HCN1: variants seen among roughly 807,000 people sequenced by gnomAD.
The protein encoded by HCN1 is hyperpolarization activated cyclic nucleotide gated potassium channel 1, also known as potassium/sodium hyperpolarization-activated cyclic nucleotide-gated channel 1.
Under a neutral mutation model 78.9 loss-of-function variants are expected in HCN1, and 13 were observed. The ratio of observed to expected loss-of-function variants is 0.16; its 90% CI spans 0.11 to 0.26. The LOEUF (loss-of-function observed/expected upper bound fraction) is 0.26, where lower values mean the gene tolerates loss of function less well. HCN1 is among the 10% of genes least tolerant of loss of function. The pLI, the probability that HCN1 is intolerant of heterozygous loss-of-function variation, is 1.00. For synonymous variants in HCN1, 552 were observed against 455.5 expected (o/e 1.21, Z -2.70); for missense variants, 810 against 1,154.3 (o/e 0.70, Z 4.32).
rs543957599 is a variant in HCN1 at position 45,623,378 on chromosome 5, C to T, written c.849+21807G>A. ...TTTAGACAAGTTCACTTTGTCTCTT[C>T]ATGTCTTAGCTTCCCCTCACATCAC... On this transcript the variant is annotated intron_variant, in intron 2 of 7. Coordinates refer to ENST00000303230, the MANE Select transcript of HCN1 (RefSeq NM_021072.4). Among the ~76,000 whole-genome samples the T allele has an allele frequency of 1.2e-3, 181 of 152,262 alleles. 1 individual carries two copies. The highest frequency in any genetic ancestry group is 4.1e-3 in the African/African-American group (172 of 41,556).
At chr5:45,586,634 G>C (rs1247452207) in intron 2 of HCN1, among the ~76,000 whole-genome samples, 1 of 152,064 alleles carries the variant, frequency 6.6e-6, no homozygotes, top group Non-Finnish European at 1.5e-5. Context: ...GAGCTGTAGA[G>C]TGCAGCTGTT....
rs1163402656 is a variant in HCN1, at chr5:45,257,673, T to A, written c.*4248A>T. ...GCAGGGTTGTTAAAAAGGAAAAAAA[T>A]TGAAATTGCTTAAGAAAGTCATTGC... is the stretch of plus-strand genomic sequence containing the variant. On this transcript the variant is annotated 3_prime_UTR_variant, in exon 8 of 8. Transcript: ENST00000303230. 6.6e-6 allele frequency: 1 copy of A among 152,138 alleles called. No homozygotes were observed. Among genetic ancestry groups the A allele is most frequent in the Non-Finnish European group, 1.5e-5 (1 of 68,016 alleles). The allele number at this position is 152,138 out of a possible 1,614,324, so 9.4% of individuals were successfully genotyped here.
chr5:45,590,140 A>T (rs1052844475), intron 2 of HCN1, among the ~76,000 whole-genome samples: 1 of 152,190 alleles, frequency 6.6e-6, no homozygotes, highest in African/African-American at 2.4e-5. Context: ...TTTCAGTTAT[A>T]TTCTAAATGA....
chr5:45,524,475 G>C (rs953801468), intron 2 of HCN1, among the ~76,000 whole-genome samples: 6 of 152,102 alleles, frequency 3.9e-5, no homozygotes, highest in Non-Finnish European at 8.8e-5. Flanking sequence ...TCATGATATT[G>C]ATTCTTCCTA....
At chr5:45,346,794 C>T (rs1228063161) in intron 5 of HCN1, among the ~76,000 whole-genome samples, 1 of 152,208 alleles carries the variant, frequency 6.6e-6, no homozygotes, top group African/African-American at 2.4e-5. Context: ...AACTGCAAGG[C>T]AGCAGCGAGG....
intron 5 of HCN1, among the ~76,000 whole-genome samples, chr5:45,344,550 A>T (rs912481668): frequency 6.6e-6 from 1 of 152,240 alleles, no homozygotes; most frequent in African/African-American, 2.4e-5. Context: ...ATGAGGGTAT[A>T]GGCATCAGGT....
In HCN1 at chr5:45,450,775, G is replaced by C. The variant is rs548617289; in HGVS notation, c.1011+11071C>G. Among the ~76,000 whole-genome samples, 6 of 152,218 alleles carry C rather than the reference G, an allele frequency of 3.9e-5. No individual in the cohort carries two copies. The South Asian group carries it at 1.0e-3, about 26-fold the overall frequency. ...AAGATCTTAATAAGAATGTAGCTCAGGAAAATAAATAGTGTTAGGATCTCA... is the reference window on the plus strand; with the variant it reads ...AAGATCTTAATAAGAATGTAGCTCACGAAAATAAATAGTGTTAGGATCTCA... On this transcript the variant is annotated intron_variant, in intron 3 of 7. Coordinates refer to ENST00000303230, the MANE Select transcript of HCN1 (RefSeq NM_021072.4).
intron 4 of HCN1, among the ~76,000 whole-genome samples, chr5:45,370,444 T>C (rs927946038): frequency 1.3e-5 from 2 of 152,072 alleles, no homozygotes; most frequent in African/African-American, 2.4e-5. Context: ...TTATAGGTCA[T>C]AGTAGAAAAC....
At chr5:45,352,650 A>G (rs918589754) in intron 5 of HCN1, among the ~76,000 whole-genome samples, 23 of 152,110 alleles carry the variant, frequency 1.5e-4, no homozygotes, top group African/African-American at 4.1e-4. Flanking sequence ...GATGCAAAGC[A>G]AAGAGGTGGT....
At chr5:45,564,439 T>G (rs1743667506) in intron 2 of HCN1, among the ~76,000 whole-genome samples, 2 of 152,088 alleles carry the variant, frequency 1.3e-5, no homozygotes, top group African/African-American at 4.8e-5. Flanking sequence ...GGTTTCACTG[T>G]GTTAACCAGG....
At chr5:45,562,093 A>G (rs1444626611) in intron 2 of HCN1, among the ~76,000 whole-genome samples, 8 of 152,100 alleles carry the variant, frequency 5.3e-5, no homozygotes, top group Non-Finnish European at 1.0e-4. Context: ...GAACAGAAGT[A>G]CAGGTGGCCT....
intron 6 of HCN1, among the ~76,000 whole-genome samples, chr5:45,276,542 C>A (rs1745062289): frequency 6.6e-6 from 1 of 151,922 alleles, no homozygotes; most frequent in South Asian, 2.1e-4. Flanking sequence ...AAAAAGTAAA[C>A]AAAAGGAATG....
At chr5:45,290,368 C>A (rs950411206) in intron 6 of HCN1, among the ~76,000 whole-genome samples, 15 of 152,002 alleles carry the variant, frequency 9.9e-5, no homozygotes, top group Non-Finnish European at 1.3e-4. Flanking sequence ...CTTCCAGAGG[C>A]CCCACCTCCA....
At chr5:45,535,540 G>C (rs1356913336) in intron 2 of HCN1, among the ~76,000 whole-genome samples, 1 of 152,174 alleles carries the variant, frequency 6.6e-6, no homozygotes, top group Non-Finnish European at 1.5e-5. Context: ...GGAGGTTGCA[G>C]TGAGTTGAGA....
intron 5 of HCN1, among the ~76,000 whole-genome samples, chr5:45,320,413 A>G (rs1431853566): frequency 2.0e-5 from 3 of 151,884 alleles, no homozygotes; most frequent in Non-Finnish European, 4.4e-5. Context: ...AATGTAATAA[A>G]AAGAAGAGTC....
chr5:45,494,075 C>A (rs1426962997), intron 2 of HCN1, among the ~76,000 whole-genome samples: 1 of 152,040 alleles, frequency 6.6e-6, no homozygotes, highest in Non-Finnish European at 1.5e-5. Flanking sequence ...GTGCATGTGT[C>A]TTTATAGCAG....
In HCN1 at chr5:45,267,251, T is replaced by C; in HGVS notation, c.1621A>G (p.Ile541Val). 6.2e-7 allele frequency: 1 copy of C among 1,613,690 alleles called. No individual in the cohort carries two copies. The highest frequency in any genetic ancestry group is 8.5e-7 in the Non-Finnish European group (1 of 1,179,810). The change falls in exon 7 of 8, where the codon ATT becomes GTT. Residue 541 changes from isoleucine to valine, a missense_variant and splice_region_variant. Ile to Val is a conservative substitution (Grantham distance 29). This residue lies in a region of HCN1 where 2 missense variants were observed against 18.1 expected (regional missense o/e 0.11). Transcript: ENST00000303230. ...CGACGTCCTTTGGTCAGCAGGCAAA[T>C]CTCTATAAAAACAAACAACAAAGAA... is the stretch of plus-strand genomic sequence containing the variant. The part of the protein sequence containing the change: ...KLTDGSYFGE[I>V]CLLTKGRRTA...
At chr5:45,375,290 T>C (rs1221946930) in intron 4 of HCN1, among the ~76,000 whole-genome samples, 1 of 120,368 alleles carries the variant, frequency 8.3e-6, no homozygotes, top group Non-Finnish European at 1.6e-5. Flanking sequence ...TTATACATAA[T>C]ATATTTCATG....
At chr5:45,422,063 T>A (rs1740239825) in intron 3 of HCN1, among the ~76,000 whole-genome samples, 1 of 152,192 alleles carries the variant, frequency 6.6e-6, no homozygotes, top group Non-Finnish European at 1.5e-5. Flanking sequence ...CCCTGAAATA[T>A]ATATAACCCT....
Sources: allele counts gnomAD v4.1 joint callset (sites outside exome capture counted in the v4.1 genomes callset), GRCh38; gene constraint gnomAD v4.1.1; regional missense constraint gnomAD v4.1.1; transcripts MANE v1.5; gene names NCBI Gene and HGNC (gene_info 2026-07-23, HGNC 2026-07-21).